Variants in SPOCK1 observed in about 807,000 individuals in gnomAD.
SPOCK1 encodes the protein SPARC (osteonectin), cwcv and kazal like domains proteoglycan 1, also known as testican-1.
SPOCK1 carries 23 observed loss-of-function variants against 55.3 expected under a neutral mutation model. The observed-to-expected ratio is 0.42, with a 90% CI of 0.30 to 0.59. SPOCK1 has a LOEUF of 0.59. Among genes scored for constraint, SPOCK1 ranks in the 20% least tolerant of loss-of-function variants. The pLI, the probability that SPOCK1 is intolerant of heterozygous loss-of-function variation, is 0.22. For missense variants in SPOCK1, 499 were observed against 552.5 expected (o/e 0.90, Z 0.97); for synonymous variants, 226 against 221.0 (o/e 1.02, Z -0.20).
intron 2 of SPOCK1, among the ~76,000 whole-genome samples, chr5:137,440,156 A>G (rs1281962409): frequency 6.6e-6 from 1 of 152,214 alleles, no homozygotes; most frequent in Non-Finnish European, 1.5e-5. Flanking sequence ...ACCATGAAAT[A>G]GTAATTATAG....
intron 3 of SPOCK1, among the ~76,000 whole-genome samples, chr5:137,203,343 T>C (rs889617423): frequency 6.6e-6 from 1 of 152,094 alleles, no homozygotes; most frequent in African/African-American, 2.4e-5. Context: ...AGATCTTCAC[T>C]GATAAGGTTC....
chr5:136,993,884 GC>G (rs1184649325), intron 6 of SPOCK1, among the ~76,000 whole-genome samples: 6 of 152,306 alleles, frequency 3.9e-5, no homozygotes, highest in Admixed American at 2.6e-4. Context: ...AAGGTGATCA[GC>G]CCCCATCGGC....
At chr5:137,032,198 C>T (rs890505804) in intron 6 of SPOCK1, among the ~76,000 whole-genome samples, 1 of 152,002 alleles carries the variant, frequency 6.6e-6, no homozygotes, top group Admixed American at 6.6e-5. Context: ...CGTTTGCTGA[C>T]TCACTGGGAG....
chr5:137,013,894 C>A (rs1056726634), intron 6 of SPOCK1, among the ~76,000 whole-genome samples: 1 of 152,032 alleles, frequency 6.6e-6, no homozygotes, highest in Non-Finnish European at 1.5e-5. Context: ...GGAGCCGGGT[C>A]AGCAGAGATC....
chr5:137,261,750 C>A (rs1295108576), intron 3 of SPOCK1, among the ~76,000 whole-genome samples: 2 of 152,196 alleles, frequency 1.3e-5, no homozygotes, highest in African/African-American at 4.8e-5. Flanking sequence ...CTAAAGCGTT[C>A]ATTGATTCCA....
intron 5 of SPOCK1, among the ~76,000 whole-genome samples, chr5:137,097,322 C>T (rs1280715874): frequency 1.3e-5 from 2 of 152,214 alleles, no homozygotes; most frequent in Admixed American, 1.3e-4. Context: ...ATTTGGCAGA[C>T]CTGAGAAGGT....
Position 137,273,074 on chromosome 5 carries a change from A to G in SPOCK1, c.187-6019T>C, listed in dbSNP as rs112460552. 7.0e-3 allele frequency among the ~76,000 whole-genome samples: 1,060 copies of G among 152,292 alleles called. 25 individuals carry two copies. The highest frequency in any genetic ancestry group is 0.024 in the African/African-American group (998 of 41,560). On this transcript the variant is annotated intron_variant, in intron 2 of 10. Coordinates refer to ENST00000394945, the MANE Select transcript of SPOCK1 (RefSeq NM_004598.4). The stretch of plus-strand genomic sequence containing the variant: ...CTTAGACAAAATGATTCAGAAAATA[A>G]CAATGTCAGTTGCTCTGCTCTTTCA...
intron 2 of SPOCK1, among the ~76,000 whole-genome samples, chr5:137,284,546 C>T (rs971597170): frequency 6.6e-6 from 1 of 152,256 alleles, no homozygotes; most frequent in Non-Finnish European, 1.5e-5. Flanking sequence ...GACGGAAGGA[C>T]GAGGAAGGTG....
At chr5:137,284,973 G>T (rs1757234775) in intron 2 of SPOCK1, among the ~76,000 whole-genome samples, 1 of 152,156 alleles carries the variant, frequency 6.6e-6, no homozygotes, top group Non-Finnish European at 1.5e-5. Flanking sequence ...TACAGCTTTT[G>T]TTTACACAAG....
chr5:137,088,807 G>A (rs576546709), intron 5 of SPOCK1, among the ~76,000 whole-genome samples: 68 of 152,320 alleles, frequency 4.5e-4, no homozygotes, highest in Admixed American at 3.9e-3. Context: ...TTGAAAGATG[G>A]AAAGCCATTG....
At chr5:137,249,155 A>G (rs1756459159) in intron 3 of SPOCK1, among the ~76,000 whole-genome samples, 1 of 152,238 alleles carries the variant, frequency 6.6e-6, no homozygotes, top group African/African-American at 2.4e-5. Context: ...GTGGACATTC[A>G]TGGCTCAGGC....
chr5:137,439,381 C>T (rs1044576626), intron 2 of SPOCK1, among the ~76,000 whole-genome samples: 4 of 152,182 alleles, frequency 2.6e-5, no homozygotes, highest in Non-Finnish European at 1.5e-5. Flanking sequence ...TAAACTAGCA[C>T]AGGGAGAGCT....
At chr5:137,383,036 C>T (rs1190913174) in intron 2 of SPOCK1, among the ~76,000 whole-genome samples, 1 of 152,154 alleles carries the variant, frequency 6.6e-6, no homozygotes, top group Non-Finnish European at 1.5e-5. Flanking sequence ...GTCTGTACCT[C>T]GTGCCTCAGA....
In SPOCK1 at chr5:137,299,231, CA is replaced by C. The variant is rs1757542553; in HGVS notation, c.187-32177del. ...CTGTTGTACTACTTAATGTAGGAAA[CA>C]CAATCATTCTATTTATCCCCTCCCC... is the stretch of plus-strand genomic sequence containing the variant. On this transcript the variant is annotated intron_variant, in intron 2 of 10. Transcript: ENST00000394945. Among the ~76,000 whole-genome samples the C allele has an allele frequency of 3.9e-5, 6 of 152,044 alleles. No homozygotes were observed. In the South Asian group the frequency reaches 1.2e-3, roughly 32 times the overall value.
chr5:137,469,952 G>A (rs933105337), intron 2 of SPOCK1, among the ~76,000 whole-genome samples: 2 of 152,130 alleles, frequency 1.3e-5, no homozygotes, highest in African/African-American at 4.8e-5. Flanking sequence ...ATTCCCATCT[G>A]GGACCCAGAG....
At chr5:137,285,600 G>GT (rs1757249172) in intron 2 of SPOCK1, among the ~76,000 whole-genome samples, 1 of 152,212 alleles carries the variant, frequency 6.6e-6, no homozygotes, top group Admixed American at 6.5e-5. Context: ...CACACCTGTG[G>GT]TAACTATTAG....
At chr5:137,411,193 C>T (rs1470813874) in intron 2 of SPOCK1, among the ~76,000 whole-genome samples, 2 of 152,142 alleles carry the variant, frequency 1.3e-5, no homozygotes, top group Non-Finnish European at 2.9e-5. Flanking sequence ...GTGTGAGCAG[C>T]TGGAACAGAC....
intron 4 of SPOCK1, among the ~76,000 whole-genome samples, chr5:137,123,511 C>T (rs1753724145): frequency 6.6e-6 from 1 of 152,160 alleles, no homozygotes; most frequent in African/African-American, 2.4e-5. Context: ...CTTGTACAGA[C>T]AAGATGCTCA....
intron 3 of SPOCK1, among the ~76,000 whole-genome samples, chr5:137,238,599 C>G (rs990623993): frequency 1.3e-5 from 2 of 152,118 alleles, no homozygotes; most frequent in Non-Finnish European, 2.9e-5. Flanking sequence ...TGCACAAAAT[C>G]AGTAAATCCA....
Sources: gnomAD v4.1 joint callset for allele counts (sites outside exome capture counted in the v4.1 genomes callset) on GRCh38, gnomAD v4.1.1 for gene constraint, MANE v1.5 for transcripts, NCBI Gene and HGNC (gene_info 2026-07-23, HGNC 2026-07-21) for gene names.